Variants in RMDN1 observed in about 807,000 individuals in gnomAD.
RMDN1 encodes regulator of microtubule dynamics protein 1.
RMDN1 carries 48 observed loss-of-function variants against 48.9 expected under a neutral mutation model. The observed-to-expected ratio is 0.98, with a 90% CI of 0.78 to 1.25. RMDN1 has a LOEUF of 1.25. Among genes scored for constraint, RMDN1 ranks in the 50% most tolerant of loss-of-function variants. RMDN1 has a pLI of 0.00. For missense variants in RMDN1, 418 were observed against 373.4 expected (o/e 1.12, Z -0.98); for synonymous variants, 148 against 132.6 (o/e 1.12, Z -0.80).
intron 6 of RMDN1, 56 bp downstream of exon 6, chr8:86,480,221 C>CATA (rs1261611684): frequency 1.2e-6 from 1 of 826,388 alleles, no homozygotes; most frequent in Non-Finnish European, 1.9e-6. Flanking sequence ...GATATTTATA[C>CATA]ATACTACAAA....
At chr8:86,510,272 T>A (rs1819976469), upstream of RMDN1, among the ~76,000 whole-genome samples, 1 of 152,164 alleles carries the variant, frequency 6.6e-6, no homozygotes, top group South Asian at 2.1e-4. Flanking sequence ...TTAGTCCCAG[T>A]TTAATTATCA....
In RMDN1 at chr8:86,474,878, G is replaced by A; in HGVS notation, c.836C>T (p.Ala279Val). The stretch of plus-strand genomic sequence containing the variant: ...CTTGGCTTTCATTAGCCAGAAAGCA[G>A]CAAGCTTTTTGTTGTGTAGTTTCAA... ...TYLKLHNKKL[A>V]AFWLMKAKDY... Residue 279 changes from alanine to valine, a missense_variant, in exon 9 of 10, where the codon GCT becomes GTT. Physicochemically the swap from Ala to Val is moderately conservative, Grantham distance 64. Transcript: ENST00000406452. 1 of 1,613,122 alleles carries A rather than the reference G, an allele frequency of 6.2e-7. No individual in the cohort carries two copies. Among genetic ancestry groups the A allele is most frequent in the African/African-American group, 1.3e-5 (1 of 74,994 alleles).
chr8:86,514,038 G>T, intron 1 of RMDN1, among the ~76,000 whole-genome samples: 1 of 151,660 alleles, frequency 6.6e-6, no homozygotes, highest in African/African-American at 2.4e-5. Context: ...CGGTGGAGGG[G>T]GTCTCATTTT....
intron 2 of RMDN1, chr8:86,504,679 T>C: frequency 1.1e-6 from 1 of 875,174 alleles, no homozygotes; most frequent in Non-Finnish European, 2.0e-6. Flanking sequence ...TTTGTCTTTA[T>C]CGGGGCTATC....
Position 86,477,320 on chromosome 8 carries a change from A to G in RMDN1, c.734T>C (p.Leu245Ser), listed in dbSNP as rs138797821. The part of the protein sequence containing the change: ...TPPSSTYEKA[L>S]GYFHRAEQVD... The stretch of plus-strand genomic sequence containing the variant: ...TTGTTCTGCCCTGTGAAAGTAGCCT[A>G]AGGCCTGTCAAAAACACAAAGAGCC... Residue 245 changes from leucine to serine, a missense_variant, in exon 8 of 10, where the codon TTA (leucine) becomes TCA (serine). Physicochemically the swap from Leu to Ser is moderately radical, Grantham distance 145. Coordinates refer to ENST00000406452, the MANE Select transcript of RMDN1 (RefSeq NM_016033.3). The G allele has an allele frequency of 3.8e-6, 6 of 1,592,092 alleles. No homozygotes were observed. In the African/African-American group the frequency reaches 6.8e-5, roughly 18 times the overall value.
chr8:86,510,619 AGAGATGAT>A (rs1225375803), upstream of RMDN1, among the ~76,000 whole-genome samples: 1 of 152,214 alleles, frequency 6.6e-6, no homozygotes, highest in Non-Finnish European at 1.5e-5. Flanking sequence ...CAACATCAAG[AGAGATGAT>A]GAGCCAGAAG....
intron 1 of RMDN1, chr8:86,508,169 C>T: frequency 3.5e-6 from 1 of 289,380 alleles, no homozygotes; most frequent in Non-Finnish European, 6.4e-6. Flanking sequence ...TATCTGTCAT[C>T]GCCTACAGGG....
chr8:86,489,898 G>T (rs1260690044), intron 2 of RMDN1, among the ~76,000 whole-genome samples: 1 of 151,258 alleles, frequency 6.6e-6, no homozygotes, highest in Non-Finnish European at 1.5e-5. Flanking sequence ...AAAATACAAT[G>T]AAATTTGTGA....
chr8:86,487,247 A>G (rs1425499928), intron 3 of RMDN1, among the ~76,000 whole-genome samples: 1 of 152,246 alleles, frequency 6.6e-6, no homozygotes. Context: ...TGCCATTTCC[A>G]TATAATGACA....
Position 86,474,275 on chromosome 8 carries a change from T to C in RMDN1, c.*33A>G, listed in dbSNP as rs1407534734. ...GAATTAAAAGAAAAGGCAATGTTTA[T>C]TAGCTATTTCATAAATCTTCTCTGA... On this transcript the variant is annotated 3_prime_UTR_variant, in exon 10 of 10. Transcript: ENST00000406452. 1 of 1,611,882 alleles carries C rather than the reference T, an allele frequency of 6.2e-7. No individual in the cohort carries two copies. Among genetic ancestry groups the C allele is most frequent in the Non-Finnish European group, 8.5e-7 (1 of 1,178,966 alleles).
Position 86,483,003 on chromosome 8 carries a change from C to T in RMDN1, c.585+1869G>A, listed in dbSNP as rs149337327. The T allele has an allele frequency of 1.3e-3, 869 of 644,688 alleles. 6 individuals are homozygous for T. The highest frequency in any genetic ancestry group is 9.6e-3 in the East Asian group (364 of 37,976). The allele number at this position is 644,688 out of a possible 1,614,324, so 39.9% of individuals were successfully genotyped here. A position where few individuals can be genotyped will look rare whatever the true frequency, so the allele number is the denominator to read the frequency against. Reference sequence around the variant, plus strand: ...GCTGCCCCTCGATGAGCAGTGGCATCGTGGAGGCAGCCGCCCAGGCCAGGG... The same window carrying T: ...GCTGCCCCTCGATGAGCAGTGGCATTGTGGAGGCAGCCGCCCAGGCCAGGG... On this transcript the variant is annotated intron_variant, in intron 5 of 9. Transcript: ENST00000406452.
chr8:86,477,482 C>G (rs1022793711), intron 7 of RMDN1, 158 bp from the exon 8 acceptor site: 13 of 554,584 alleles, frequency 2.3e-5, no homozygotes, highest in Non-Finnish European at 4.1e-5. Flanking sequence ...GAGTTAACAC[C>G]CAAAGTGAAC....
downstream of RMDN1, among the ~76,000 whole-genome samples, chr8:86,470,734 T>G (rs553089308): frequency 6.6e-6 from 1 of 152,158 alleles, no homozygotes; most frequent in Admixed American, 6.5e-5. Context: ...TTGATAGAAC[T>G]TAGGTCTCAA....
In RMDN1 at chr8:86,484,915, T is replaced by C. The variant is rs771749052; in HGVS notation, c.542A>G (p.Lys181Arg). 2.5e-6 allele frequency: 4 copies of C among 1,608,754 alleles called. No homozygotes were observed. Among genetic ancestry groups the C allele is most frequent in the Non-Finnish European group, 3.4e-6 (4 of 1,176,686 alleles). Reference protein sequence around the residue: ...LSDVGDYEGIKAKIANAYIIK... With the variant: ...LSDVGDYEGIRAKIANAYIIK... ...GATATATGCATTTGCAATTTTAGCC[T>C]TGATGCCTTCATAATCTCCAACATC... Residue 181 changes from lysine (K) to arginine (R), a missense_variant, in exon 5 of 10, where the codon AAG becomes AGG. Transcript: ENST00000406452.
upstream of RMDN1, among the ~76,000 whole-genome samples, chr8:86,509,800 C>G (rs181466529): frequency 6.6e-6 from 1 of 152,110 alleles, no homozygotes; most frequent in African/African-American, 2.4e-5. Flanking sequence ...ATTAAATCAG[C>G]TGTATTTCTT....
At chr8:86,508,759 A>T, upstream of RMDN1, 20 of 1,372,626 alleles carry the variant, frequency 1.5e-5, no homozygotes, top group Non-Finnish European at 1.9e-5. Context: ...CCTGCCCAGC[A>T]CCTCTTCCGC....
intron 2 of RMDN1, among the ~76,000 whole-genome samples, chr8:86,500,512 A>G (rs2131166231): frequency 6.8e-6 from 1 of 146,700 alleles, no homozygotes; most frequent in East Asian, 2.2e-4. Context: ...TATTCTTAAA[A>G]TTTCAAAAAA....
intron 3 of RMDN1, among the ~76,000 whole-genome samples, chr8:86,487,553 A>G (rs572812863): frequency 6.5e-4 from 99 of 152,144 alleles, no homozygotes; most frequent in Non-Finnish European, 1.2e-3. Context: ...GCGCCATTGC[A>G]CTCCAGCTTG....
At chr8:86,504,747 G>T in intron 2 of RMDN1, 1 of 1,044,922 alleles carries the variant, frequency 9.6e-7, no homozygotes, top group African/African-American at 1.6e-5. Flanking sequence ...TATTGTGGCC[G>T]AACTCTTCAG....
Sources: allele counts gnomAD v4.1 joint callset (sites outside exome capture counted in the v4.1 genomes callset), GRCh38; gene constraint gnomAD v4.1.1; transcripts MANE v1.5; gene names NCBI Gene and HGNC (gene_info 2026-07-23, HGNC 2026-07-21).